The following UGT2B7 variants were observed in gnomAD, a reference collection of about 807,000 sequenced individuals.
UGT2B7 encodes UDP glucuronosyltransferase family 2 member B7, also known as UDP-glucuronosyltransferase 2B7.
A neutral mutation model predicts 51.9 loss-of-function variants in UGT2B7; 51 were observed. The ratio of observed to expected loss-of-function variants is 0.98; its 90% CI spans 0.78 to 1.24. UGT2B7 has a LOEUF of 1.24. UGT2B7 is among the 50% of genes most tolerant of loss of function. UGT2B7 has a pLI of 0.00. For missense variants in UGT2B7, 727 were observed against 628.4 expected (o/e 1.16, Z -1.68); for synonymous variants, 225 against 211.6 (o/e 1.06, Z -0.55).
upstream of UGT2B7, among the ~76,000 whole-genome samples, chr4:69,093,957 C>T (rs1048284512): frequency 2.6e-4 from 39 of 152,122 alleles, no homozygotes; most frequent in African/African-American, 9.2e-4. Context: ...TTACCTACTT[C>T]CGGTCAGTCA....
At chr4:69,059,471 T>A (rs1718294673) in intron 1 of UGT2B7, among the ~76,000 whole-genome samples, 2 of 152,182 alleles carry the variant, frequency 1.3e-5, no homozygotes, top group Admixed American at 1.3e-4. Flanking sequence ...GAGGCTATGA[T>A]GTTAACCCGT....
chr4:69,077,191 G>A (rs1398501675), intron 1 of UGT2B7, among the ~76,000 whole-genome samples: 1 of 152,040 alleles, frequency 6.6e-6, no homozygotes, highest in East Asian at 1.9e-4. Flanking sequence ...TACCCTTGTA[G>A]TATGGTTTGA....
intron 1 of UGT2B7, among the ~76,000 whole-genome samples, chr4:69,052,584 A>AGAAGGGGAGGC (rs1718056131): frequency 2.0e-5 from 3 of 151,458 alleles, no homozygotes; most frequent in African/African-American, 7.3e-5. Flanking sequence ...AAAAAAAAAA[A>AGAAGGGGAGGC]AAAAAAAAGA....
chr4:69,106,995 A>G (rs527344300), intron 3 of UGT2B7, among the ~76,000 whole-genome samples, 180 bp from the exon 4 acceptor site: 4 of 152,120 alleles, frequency 2.6e-5, no homozygotes, highest in African/African-American at 9.6e-5. Flanking sequence ...TGATTTCCTT[A>G]TATACCTAAC....
intron 1 of UGT2B7, among the ~76,000 whole-genome samples, chr4:69,087,052 G>T (rs1351639031): frequency 6.7e-6 from 1 of 148,946 alleles, no homozygotes; most frequent in Non-Finnish European, 1.5e-5. Flanking sequence ...CTCTCGCTCT[G>T]TCTCTCTTTC....
chr4:69,071,600 T>A (rs1388752944), intron 1 of UGT2B7, among the ~76,000 whole-genome samples: 2 of 152,122 alleles, frequency 1.3e-5, no homozygotes, highest in Non-Finnish European at 2.9e-5. Context: ...AAGAGAGGCA[T>A]AATGATTATT....
At chr4:69,053,958 T>G (rs543921382) in intron 1 of UGT2B7, among the ~76,000 whole-genome samples, 12 of 152,286 alleles carry the variant, frequency 7.9e-5, no homozygotes, top group African/African-American at 2.2e-4. Flanking sequence ...AAGCCCCTTA[T>G]AGGTCTTCCA....
intron 1 of UGT2B7, among the ~76,000 whole-genome samples, chr4:69,086,597 A>T (rs935990301): frequency 6.6e-6 from 1 of 151,822 alleles, no homozygotes; most frequent in African/African-American, 2.4e-5. Context: ...TACTATTATC[A>T]TATCACAGTC....
chr4:69,100,400 C>G (rs984253048), intron 2 of UGT2B7, among the ~76,000 whole-genome samples: 1 of 151,984 alleles, frequency 6.6e-6, no homozygotes, highest in Non-Finnish European at 1.5e-5. Flanking sequence ...GACATATGTA[C>G]AAAGCAAGCA....
Position 69,112,776 on chromosome 4 carries a change from G to T in UGT2B7, c.*40G>T. On this transcript the variant is annotated 3_prime_UTR_variant, in exon 6 of 6. Coordinates refer to ENST00000305231, the MANE Select transcript of UGT2B7 (RefSeq NM_001074.4). The stretch of plus-strand genomic sequence containing the variant: ...TGAAGCTGGAAAACCTGATAGGTGA[G>T]ACTACTTCAGTTTATTCCAGCAAGA... 6.3e-7 allele frequency: 1 copy of T among 1,596,910 alleles called. No individual in the cohort carries two copies. The highest frequency in any genetic ancestry group is 1.1e-5 in the South Asian group (1 of 88,176).
intron 1 of UGT2B7, among the ~76,000 whole-genome samples, chr4:69,088,938 C>G (rs1275272012): frequency 6.6e-6 from 1 of 152,088 alleles, no homozygotes; most frequent in Non-Finnish European, 1.5e-5. Context: ...GTGGTGTCTT[C>G]TTGGTGTGTG....
At position 69,108,142 on chromosome 4, in the gene UGT2B7, C is replaced by G; in HGVS notation, c.1130C>G (p.Ala377Gly). The G allele has an allele frequency of 6.2e-7, 1 of 1,613,530 alleles. No homozygotes were observed. The highest frequency in any genetic ancestry group is 8.5e-7 in the Non-Finnish European group (1 of 1,179,622). ...AGAGCTTTTATAACTCATGGTGGAGCCAATGGCATCTACGAGGCAATCTAC... is the reference window on the plus strand; with the variant it reads ...AGAGCTTTTATAACTCATGGTGGAGGCAATGGCATCTACGAGGCAATCTAC... The part of the protein sequence containing the change: ...KTRAFITHGG[A>G]NGIYEAIYHG... The change falls in exon 5 of 6, where the codon GCC becomes GGC. Residue 377 changes from alanine (A) to glycine (G), a missense_variant. By Grantham distance (60) the Ala-to-Gly change is moderately conservative. Transcript: ENST00000305231.
intron 1 of UGT2B7, among the ~76,000 whole-genome samples, chr4:69,079,291 C>T (rs7657426): frequency 0.43 from 65,222 of 151,986 alleles, 15,545 homozygotes; most frequent in African/African-American, 0.64. Context: ...GATAGCAATA[C>T]AAGTTGATTC....
intron 5 of UGT2B7, among the ~76,000 whole-genome samples, chr4:69,112,186 G>C (rs369610334): frequency 6.6e-6 from 1 of 152,132 alleles, no homozygotes; most frequent in African/African-American, 2.4e-5. Flanking sequence ...TCCCTGTCCT[G>C]TTCTGTTCCA....
rs552807703 is a variant in UGT2B7 at position 69,112,634 on chromosome 4, C to G, written c.1488C>G (p.Phe496Leu). Residue 496 changes from phenylalanine to leucine, a missense_variant, in exon 6 of 6, where the codon TTC becomes TTG. Transcript: ENST00000305231. The stretch of plus-strand genomic sequence containing the variant: ...ACCACTCTTTGGATGTGATTGGGTT[C>G]CTGCTGGTCTGTGTGGCAACTGTGA... ...FQYHSLDVIG[F>L]LLVCVATVIF... is the part of the protein sequence containing the mutation. 1 of 1,613,858 alleles carries G rather than the reference C, an allele frequency of 6.2e-7. No individual in the cohort carries two copies. Among genetic ancestry groups the G allele is most frequent in the African/African-American group, 1.3e-5 (1 of 74,976 alleles).
At chr4:69,081,466 C>T (rs1358406743) in intron 1 of UGT2B7, among the ~76,000 whole-genome samples, 1 of 152,050 alleles carries the variant, frequency 6.6e-6, no homozygotes, top group East Asian at 1.9e-4. Context: ...ACTGGCTTTC[C>T]TTAAAACTAG....
chr4:69,061,857 C>G (rs1465657730), intron 1 of UGT2B7, among the ~76,000 whole-genome samples: 1 of 152,210 alleles, frequency 6.6e-6, no homozygotes, highest in East Asian at 1.9e-4. Context: ...CGAATTGCCC[C>G]AAGCAGGGGT....
At chr4:69,097,951 T>C (rs1198401121) in intron 1 of UGT2B7, among the ~76,000 whole-genome samples, 1 of 152,024 alleles carries the variant, frequency 6.6e-6, no homozygotes, top group Non-Finnish European at 1.5e-5. Context: ...CAATAATTTC[T>C]CAAAAATTTC....
chr4:69,056,948 G>T (rs1026288890), intron 1 of UGT2B7, among the ~76,000 whole-genome samples: 8 of 152,168 alleles, frequency 5.3e-5, no homozygotes, highest in African/African-American at 1.9e-4. Context: ...TGAAATCAAA[G>T]ACAGGCAGCC....
Sources: allele counts gnomAD v4.1 joint callset (sites outside exome capture counted in the v4.1 genomes callset), GRCh38; gene constraint gnomAD v4.1.1; transcripts MANE v1.5; gene names NCBI Gene and HGNC (gene_info 2026-07-23, HGNC 2026-07-21).